The following ANKRD26 variants were observed in gnomAD, a reference collection of about 807,000 sequenced individuals.
ANKRD26 encodes the protein ankyrin repeat domain 26.
ANKRD26 carries 141 observed loss-of-function variants against 208.7 expected under a neutral mutation model. That is an observed-to-expected ratio of 0.68 (90% CI 0.59 to 0.78). The LOEUF (loss-of-function observed/expected upper bound fraction) is 0.78, where lower values mean the gene tolerates loss of function less well. ANKRD26 is among the 30% of genes least tolerant of loss of function. The pLI is 0.00. For missense variants in ANKRD26, 1,889 were observed against 1,938.7 expected, an observed-to-expected ratio of 0.97 and a Z score of 0.48; for synonymous variants, 636 against 660.4, an observed-to-expected ratio of 0.96 and a Z score of 0.57.
rs941190618 is a variant in ANKRD26 at position 27,043,628 on chromosome 10, T to C, written c.2020-61A>G. 3.3e-6 allele frequency: 5 copies of C among 1,513,902 alleles called. No homozygotes were observed. In the East Asian group the frequency reaches 1.1e-4, roughly 34 times the overall value. 93.8% of individuals were successfully genotyped at this position (1,513,902 alleles called of 1,614,324 possible). A position where few individuals can be genotyped will look rare whatever the true frequency, so the allele number is the denominator to read the frequency against. ...AGAATATTTATAGCACATACAGAAG[T>C]GGTAATTATCCATCTTTCTAAATGA... On this transcript the variant is annotated intron_variant, in intron 19 of 33. Coordinates refer to ENST00000376087, the MANE Select transcript of ANKRD26 (RefSeq NM_014915.3).
At chr10:26,972,239 A>T (rs1440006943), downstream of ANKRD26, among the ~76,000 whole-genome samples, 1 of 151,286 alleles carries the variant, frequency 6.6e-6, no homozygotes, top group Non-Finnish European at 1.5e-5. Context: ...CGTCTCAAAA[A>T]AAAAAAAAAA....
chr10:26,991,858 A>G (rs902035845), downstream of ANKRD26: 1 of 152,208 alleles, frequency 6.6e-6, no homozygotes, highest in Non-Finnish European at 1.5e-5. Flanking sequence ...ATAGACACTC[A>G]TGACTTCATC....
the ANKRD26 span, among the ~76,000 whole-genome samples, chr10:26,947,846 T>C: frequency 5.4e-4 from 83 of 152,374 alleles, no homozygotes; most frequent in African/African-American, 2.0e-3. Flanking sequence ...CTTAGTTTAG[T>C]ATAAAAATAA....
At chr10:27,084,231 A>AAG (rs2056034339) in intron 5 of ANKRD26, among the ~76,000 whole-genome samples, 1 of 147,146 alleles carries the variant, frequency 6.8e-6, no homozygotes, top group African/African-American at 2.4e-5. Flanking sequence ...AAAAAAAAAA[A>AAG]AAAAGAAAAA....
chr10:27,007,011 A>ATT, intron 32 of ANKRD26, 49 bp from the exon 33 acceptor site: 1 of 1,382,940 alleles, frequency 7.2e-7, no homozygotes, highest in South Asian at 1.2e-5. Flanking sequence ...GACAAGAGAC[A>ATT]TTAACATAGA....
At chr10:27,051,192 C>G (rs1316729815) in intron 16 of ANKRD26, 1 of 1,289,888 alleles carries the variant, frequency 7.8e-7, no homozygotes, top group East Asian at 5.5e-5. Context: ...TCTGTCACCA[C>G]GTGGTGGAGA....
downstream of ANKRD26, among the ~76,000 whole-genome samples, chr10:26,972,051 C>A (rs71483823): frequency 6.6e-5 from 10 of 151,900 alleles, no homozygotes; most frequent in East Asian, 2.0e-4. Flanking sequence ...CTGGCTAACA[C>A]GGTGAAACCC....
At chr10:26,978,552 C>A (rs968255471) in intron 5 of ANKRD26, among the ~76,000 whole-genome samples, 4 of 152,204 alleles carry the variant, frequency 2.6e-5, no homozygotes, top group African/African-American at 9.6e-5. Context: ...CTGGTCATAA[C>A]TTTCTGGTAT....
Position 27,043,499 on chromosome 10 carries a change from C to T in ANKRD26, c.2088G>A (p.Glu696=), listed in dbSNP as rs1484512796. ...AACTAGAGTGGGGTAGCTCACAATC[C>T]TCTGAGGCTGTTTCAGATGACTGAG... ...DLTQSSETAS[E]DCELPHSSYK... is the part of the protein sequence containing the mutation. The change falls in exon 20 of 34, where the codon GAG becomes GAA. Residue 696 remains glutamate (E), a synonymous_variant. Coordinates refer to ENST00000376087, the MANE Select transcript of ANKRD26 (RefSeq NM_014915.3). 6.2e-6 allele frequency: 10 copies of T among 1,613,780 alleles called. No individual in the cohort carries two copies. The highest frequency in any genetic ancestry group is 2.7e-5 in the African/African-American group (2 of 74,906).
intron 9 of ANKRD26, among the ~76,000 whole-genome samples, chr10:27,074,675 A>AG (rs2055631649): frequency 6.6e-6 from 1 of 152,034 alleles, no homozygotes; most frequent in African/African-American, 2.4e-5. Context: ...CTCTGTCTCG[A>AG]GGGGGGAAAA....
chr10:27,096,777 A>AG (rs1195305715), intron 1 of ANKRD26, among the ~76,000 whole-genome samples: 1 of 151,818 alleles, frequency 6.6e-6, no homozygotes, highest in Non-Finnish European at 1.5e-5. Context: ...AAAAAAAAAA[A>AG]AAAAGAAAAA....
intron 27 of ANKRD26, 74 bp from the exon 28 acceptor site, chr10:27,024,633 T>C (rs575328495): frequency 5.0e-6 from 4 of 796,736 alleles, no homozygotes; most frequent in South Asian, 3.1e-5. Flanking sequence ...TTATTTCTTA[T>C]GAGTTCATGA....
At chr10:27,080,695 T>C (rs2055876542) in intron 6 of ANKRD26, 18 of 985,500 alleles carry the variant, frequency 1.8e-5, no homozygotes, top group Non-Finnish European at 2.2e-5. Context: ...CCTTTAAGTC[T>C]TCAGCCTATG....
At chr10:27,071,449 C>T (rs1002021917) in intron 9 of ANKRD26, among the ~76,000 whole-genome samples, 3 of 151,844 alleles carry the variant, frequency 2.0e-5, no homozygotes, top group African/African-American at 7.3e-5. Context: ...GCTGGGATTA[C>T]AGGCATGAGC....
chr10:27,051,701 G>C, intron 16 of ANKRD26: 2 of 985,374 alleles, frequency 2.0e-6, no homozygotes, highest in Non-Finnish European at 2.4e-6. Flanking sequence ...TTTCGAGACT[G>C]AGTACTTTTT....
intron 19 of ANKRD26, 89 bp downstream of exon 19, chr10:27,044,068 A>T: frequency 1.0e-6 from 1 of 989,948 alleles, no homozygotes; most frequent in Non-Finnish European, 1.4e-6. Flanking sequence ...TGCTGAGATT[A>T]CAGGTGTGAG....
chr10:27,077,116 C>T (rs573798366), intron 9 of ANKRD26: 55 of 553,232 alleles, frequency 9.9e-5, no homozygotes, highest in Non-Finnish European at 1.3e-4. Flanking sequence ...ACTAGCAAAC[C>T]GAATCCAACA....
chr10:26,959,874 G>A, the ANKRD26 span, among the ~76,000 whole-genome samples: 1 of 152,102 alleles, frequency 6.6e-6, no homozygotes, highest in African/African-American at 2.4e-5. Flanking sequence ...TTATAACTTA[G>A]TAAAGACTTA....
intron 15 of ANKRD26, among the ~76,000 whole-genome samples, chr10:27,059,527 G>A (rs1323416479): frequency 6.6e-6 from 1 of 152,168 alleles, no homozygotes; most frequent in East Asian, 1.9e-4. Context: ...TTACCTCTAT[G>A]CAATAATTTT....
Sources: gnomAD v4.1 joint callset for allele counts (sites outside exome capture counted in the v4.1 genomes callset) on GRCh38, gnomAD v4.1.1 for gene constraint, MANE v1.5 for transcripts, NCBI Gene and HGNC (gene_info 2026-07-23, HGNC 2026-07-21) for gene names.